Variants in KIF25 observed in about 807,000 individuals in gnomAD.
KIF25 encodes kinesin-like protein KIF25.
Under a neutral mutation model 32.9 loss-of-function variants are expected in KIF25, and 19 were observed. The ratio of observed to expected loss-of-function variants is 0.58; its 90% CI spans 0.40 to 0.85. KIF25 has a LOEUF of 0.85. Among genes scored for constraint, KIF25 ranks in the 40% least tolerant of loss-of-function variants. The pLI, the probability that KIF25 is intolerant of heterozygous loss-of-function variation, is 0.00. For synonymous variants in KIF25, 225 were observed against 213.7 expected, an observed-to-expected ratio of 1.05 and a Z score of -0.46; for missense variants, 485 against 507.0, an observed-to-expected ratio of 0.96 and a Z score of 0.42.
In KIF25 at chr6:168,030,830, C is replaced by G; in HGVS notation, c.150C>G (p.Leu50=). The change falls in exon 7 of 13, where the codon CTC becomes CTG. Residue 50 remains leucine (L), a synonymous_variant. Coordinates refer to ENST00000643607, the MANE Select transcript of KIF25 (RefSeq NM_030615.4). ...SAVFGDVCPL[L]TSLLDGYNVC... ...TCTTTGGAGATGTGTGCCCCCTACT[C>G]ACTTCTCTCTTGGATGGGTGAGTTA... 1 of 1,612,920 alleles carries G rather than the reference C, an allele frequency of 6.2e-7. No individual in the cohort carries two copies. The highest frequency in any genetic ancestry group is 8.5e-7 in the Non-Finnish European group (1 of 1,179,314).
chr6:168,023,592 G>A (rs150861131), intron 5 of KIF25, among the ~76,000 whole-genome samples: 1,607 of 152,056 alleles, frequency 0.011, 33 homozygotes, highest in African/African-American at 0.037. Context: ...AATAGAGACC[G>A]GGTTTCACCA....
At chr6:168,036,232 C>T (rs1041678829) in intron 8 of KIF25, 1 of 159,702 alleles carries the variant, frequency 6.3e-6, no homozygotes, top group African/African-American at 2.4e-5. Context: ...CGCTGTCATC[C>T]TTATCAACAG....
intron 5 of KIF25, among the ~76,000 whole-genome samples, chr6:168,027,474 A>G (rs57938508): frequency 0.24 from 33,810 of 138,902 alleles, 4,531 homozygotes; most frequent in East Asian, 0.47. Flanking sequence ...AAAAAAAAAA[A>G]AGAGAGAGAG....
At chr6:168,003,019 G>A (rs1234693113) in intron 3 of KIF25, among the ~76,000 whole-genome samples, 1 of 152,224 alleles carries the variant, frequency 6.6e-6, no homozygotes, top group Non-Finnish European at 1.5e-5. Flanking sequence ...GTGATAGGGA[G>A]CGGCTGTAAT....
At chr6:168,006,512 G>A (rs16886384) in intron 4 of KIF25, among the ~76,000 whole-genome samples, 1,838 of 152,236 alleles carry the variant, frequency 0.012, 53 homozygotes, top group East Asian at 0.085. Flanking sequence ...TTGTGGCACC[G>A]GGCGATTGCA....
In KIF25 at chr6:168,022,826, A is replaced by G. The variant is rs551170285; in HGVS notation, c.-95+4786A>G. 3.0e-5 allele frequency among the ~76,000 whole-genome samples: 4 copies of G among 134,130 alleles called. 1 individual carries two copies. Among genetic ancestry groups the G allele is most frequent in the Admixed American group, 2.4e-4 (3 of 12,266 alleles). The allele number at this position is 134,130 out of a possible 152,430, so 88.0% of individuals were successfully genotyped here. A position where few individuals can be genotyped will look rare whatever the true frequency, so the allele number is the denominator to read the frequency against. On this transcript the variant is annotated intron_variant, in intron 5 of 12. Coordinates refer to ENST00000643607, the MANE Select transcript of KIF25 (RefSeq NM_030615.4). ...TACTCTTGGCTGTGGGTTTGCAACT[A>G]TGATTTTTCCTGCAAGGGCCTGGGG...
At chr6:168,005,352 A>C (rs1798566189) in intron 4 of KIF25, among the ~76,000 whole-genome samples, 2 of 152,172 alleles carry the variant, frequency 1.3e-5, no homozygotes, top group Non-Finnish European at 2.9e-5. Context: ...AGCCCCCCGG[A>C]AAATGAAGAG....
intron 8 of KIF25, among the ~76,000 whole-genome samples, chr6:168,034,549 C>T (rs544883634): frequency 4.6e-5 from 7 of 152,226 alleles, no homozygotes; most frequent in African/African-American, 1.7e-4. Flanking sequence ...ATGAGTCTCC[C>T]TGCCTGGCTA....
chr6:168,032,528 C>T (rs983019477), intron 7 of KIF25, among the ~76,000 whole-genome samples: 3 of 152,214 alleles, frequency 2.0e-5, no homozygotes, highest in African/African-American at 4.8e-5. Flanking sequence ...GCCTGATCAG[C>T]TTGGCGGGAG....
chr6:168,022,999 A>G (rs1272984312), intron 5 of KIF25, among the ~76,000 whole-genome samples: 7 of 151,884 alleles, frequency 4.6e-5, no homozygotes, highest in African/African-American at 1.7e-4. Context: ...CTCCTCATCT[A>G]GACTCTCAGG....
chr6:168,043,564 T>C (rs1583149312), intron 12 of KIF25, among the ~76,000 whole-genome samples: 1 of 152,176 alleles, frequency 6.6e-6, no homozygotes, highest in African/African-American at 2.4e-5. Flanking sequence ...CTCCACACGG[T>C]GAATAACAGG....
intron 4 of KIF25, among the ~76,000 whole-genome samples, chr6:168,006,657 A>G (rs1249090670): frequency 1.3e-5 from 2 of 152,220 alleles, no homozygotes; most frequent in East Asian, 1.9e-4. Context: ...TAGAAAGCAC[A>G]TGAAATGCTA....
At chr6:168,016,219 C>A (rs1322037387) in intron 4 of KIF25, among the ~76,000 whole-genome samples, 1 of 152,168 alleles carries the variant, frequency 6.6e-6, no homozygotes, top group East Asian at 1.9e-4. Flanking sequence ...GTGTTTTGAG[C>A]GTGAAGGGAA....
intron 4 of KIF25, among the ~76,000 whole-genome samples, chr6:168,016,631 C>T (rs1394392818): frequency 2.6e-5 from 4 of 152,248 alleles, no homozygotes; most frequent in African/African-American, 9.6e-5. Flanking sequence ...TGGCATTCTG[C>T]GTCACCCACT....
At chr6:168,019,113 C>A (rs1798754552) in intron 5 of KIF25, among the ~76,000 whole-genome samples, 1 of 152,176 alleles carries the variant, frequency 6.6e-6, no homozygotes, top group Non-Finnish European at 1.5e-5. Context: ...AAATGCAAGC[C>A]TCGAGGGGTC....
intron 7 of KIF25, among the ~76,000 whole-genome samples, chr6:168,033,592 G>T (rs1329184862): frequency 1.3e-5 from 2 of 152,072 alleles, no homozygotes; most frequent in Admixed American, 1.3e-4. Flanking sequence ...ATGCTGAGCT[G>T]GTGGATGGGG....
At chr6:168,016,939 C>T (rs1798722980) in intron 4 of KIF25, among the ~76,000 whole-genome samples, 1 of 152,256 alleles carries the variant, frequency 6.6e-6, no homozygotes, top group African/African-American at 2.4e-5. Context: ...TGAGCTGCCC[C>T]ACTGAGAGAC....
intron 4 of KIF25, among the ~76,000 whole-genome samples, chr6:168,013,637 T>G (rs951962513): frequency 2.0e-5 from 3 of 151,482 alleles, no homozygotes; most frequent in Non-Finnish European, 2.9e-5. Flanking sequence ...TGAGGGCCTG[T>G]GAGGACTGCA....
At chr6:168,011,888 C>T (rs907908994) in intron 4 of KIF25, among the ~76,000 whole-genome samples, 4 of 152,102 alleles carry the variant, frequency 2.6e-5, no homozygotes, top group Non-Finnish European at 4.4e-5. Flanking sequence ...TTCCCTCTGT[C>T]TGCCTGTGTT....
Sources: allele counts gnomAD v4.1 joint callset (sites outside exome capture counted in the v4.1 genomes callset), GRCh38; gene constraint gnomAD v4.1.1; transcripts MANE v1.5; gene names NCBI Gene and HGNC (gene_info 2026-07-23, HGNC 2026-07-21).